CNBD1: variants seen among roughly 807,000 people sequenced by gnomAD.
CNBD1 encodes the protein cyclic nucleotide binding domain containing 1.
Under a neutral mutation model 54.4 loss-of-function variants are expected in CNBD1, and 71 were observed. That is an observed-to-expected ratio of 1.30 (90% CI 1.08 to 1.59). The LOEUF (loss-of-function observed/expected upper bound fraction) is 1.59. Among genes scored for constraint, CNBD1 ranks in the 40% most tolerant of loss-of-function variants. The pLI is 0.00. For missense variants in CNBD1, 659 were observed against 518.0 expected (o/e 1.27, Z -2.64); for synonymous variants, 182 against 170.7 (o/e 1.07, Z -0.51).
chr8:87,019,619 T>C (rs1013190844), intron 4 of CNBD1, among the ~76,000 whole-genome samples: 1 of 152,152 alleles, frequency 6.6e-6, no homozygotes, highest in Non-Finnish European at 1.5e-5. Context: ...GGCTCACACT[T>C]GTCATCCCAG....
chr8:87,170,479 G>A (rs1813062852), intron 4 of CNBD1, among the ~76,000 whole-genome samples: 1 of 152,008 alleles, frequency 6.6e-6, no homozygotes, highest in South Asian at 2.1e-4. Context: ...GTGAAAGTGG[G>A]GATTCTTGTT....
chr8:87,122,359 A>C (rs1811907289), intron 4 of CNBD1, among the ~76,000 whole-genome samples: 1 of 151,826 alleles, frequency 6.6e-6, no homozygotes, highest in Non-Finnish European at 1.5e-5. Flanking sequence ...CTTCTTTGAG[A>C]AATTTCTGCT....
At chr8:86,888,572 A>G (rs1490014452) in intron 2 of CNBD1, among the ~76,000 whole-genome samples, 1 of 152,120 alleles carries the variant, frequency 6.6e-6, no homozygotes, top group Non-Finnish European at 1.5e-5. Context: ...ACTCACTTTA[A>G]AGGGTTACTA....
chr8:87,272,727 A>G (rs926921013), intron 6 of CNBD1, among the ~76,000 whole-genome samples: 3 of 152,004 alleles, frequency 2.0e-5, no homozygotes, highest in African/African-American at 7.2e-5. Flanking sequence ...TATAACTTCA[A>G]TAGCTAGTGA....
intron 8 of CNBD1, among the ~76,000 whole-genome samples, chr8:87,335,392 A>G (rs1223521642): frequency 1.3e-5 from 2 of 152,124 alleles, no homozygotes; most frequent in Admixed American, 1.3e-4. Context: ...GTGCTCCTGT[A>G]TTGGGTGTAT....
intron 5 of CNBD1, among the ~76,000 whole-genome samples, chr8:87,224,578 C>T (rs984491435): frequency 1.1e-4 from 17 of 151,390 alleles, no homozygotes; most frequent in Non-Finnish European, 2.4e-4. Context: ...TTTCTGAGGG[C>T]TCTGTTCTGT....
intron 8 of CNBD1, among the ~76,000 whole-genome samples, chr8:87,322,661 T>C (rs1436585574): frequency 1.2e-5 from 1 of 82,162 alleles, no homozygotes; most frequent in Non-Finnish European, 2.6e-5. Flanking sequence ...GTTTGTTTTT[T>C]TCTTGTAAAT....
intron 2 of CNBD1, among the ~76,000 whole-genome samples, chr8:87,408,500 G>A (rs1426050011): frequency 6.6e-6 from 1 of 151,996 alleles, no homozygotes; most frequent in African/African-American, 2.4e-5. Flanking sequence ...CTATTTAATT[G>A]AGTCATCTTT....
rs1371698136 is a variant in CNBD1 at position 87,163,560 on chromosome 8, A to T, written c.432-42433A>T. 6.6e-6 allele frequency among the ~76,000 whole-genome samples: 1 copy of T among 151,630 alleles called. No individual in the cohort carries two copies. The highest frequency in any genetic ancestry group is 1.5e-5 in the Non-Finnish European group (1 of 67,876). ...TTCCTAAGTATTTAAAATATTAAAT[A>T]TTTTTTTGTTGCTGTTGTAATTGAC... On this transcript the variant is annotated intron_variant, in intron 4 of 10. Transcript: ENST00000518476. The surrounding 1 kb of genome is among the most constrained non-coding windows in gnomAD (Gnocchi z 4.5).
intron 6 of CNBD1, among the ~76,000 whole-genome samples, chr8:87,262,873 A>G (rs4961019): frequency 0.71 from 107,481 of 152,048 alleles, 38,544 homozygotes; most frequent in African/African-American, 0.78. Flanking sequence ...TTCATTTGGC[A>G]ATTAATACAA....
chr8:87,346,649 G>C (rs960540810), intron 8 of CNBD1, among the ~76,000 whole-genome samples: 3 of 151,944 alleles, frequency 2.0e-5, no homozygotes, highest in Non-Finnish European at 4.4e-5. Flanking sequence ...GTTTTTAAGA[G>C]TATAGTGACT....
At chr8:87,304,049 T>C (rs1443147978) in intron 8 of CNBD1, among the ~76,000 whole-genome samples, 1 of 152,168 alleles carries the variant, frequency 6.6e-6, no homozygotes, top group Non-Finnish European at 1.5e-5. Context: ...GACTGTAAAC[T>C]AGTTCAACCA....
chr8:87,333,216 T>G (rs1809871899), intron 8 of CNBD1, among the ~76,000 whole-genome samples: 1 of 152,194 alleles, frequency 6.6e-6, no homozygotes, highest in South Asian at 2.1e-4. Context: ...TTTTGCACAT[T>G]GATTTTGTAT....
chr8:86,959,414 A>C (rs544855725), intron 4 of CNBD1, among the ~76,000 whole-genome samples: 28 of 152,312 alleles, frequency 1.8e-4, no homozygotes, highest in African/African-American at 5.5e-4. Context: ...AGGTTGAGGA[A>C]GTTCTCCTCA....
intron 1 of CNBD1, among the ~76,000 whole-genome samples, chr8:86,868,460 A>C (rs1477142267): frequency 2.0e-5 from 3 of 152,058 alleles, no homozygotes; most frequent in Non-Finnish European, 2.9e-5. Flanking sequence ...ATCCTGCCTC[A>C]GCCTCTTGAG....
At chr8:86,969,748 T>A (rs1192930599) in intron 4 of CNBD1, among the ~76,000 whole-genome samples, 1 of 151,214 alleles carries the variant, frequency 6.6e-6, no homozygotes, top group African/African-American at 2.4e-5. Flanking sequence ...TCATCTAAAT[T>A]TTTTTCTCCT....
At chr8:87,385,182 C>A (rs1811157456), downstream of CNBD1, among the ~76,000 whole-genome samples, 7 of 152,124 alleles carry the variant, frequency 4.6e-5, no homozygotes, top group South Asian at 1.4e-3. Context: ...GTCTACACCT[C>A]CCAGCTTGAG....
chr8:87,359,770 G>A (rs754299593), intron 10 of CNBD1, among the ~76,000 whole-genome samples: 19 of 152,000 alleles, frequency 1.3e-4, no homozygotes, highest in East Asian at 3.9e-4. Flanking sequence ...AAAACTCAGC[G>A]TGAGCAAACT....
At chr8:87,160,254 T>G (rs946847336) in intron 4 of CNBD1, among the ~76,000 whole-genome samples, 4 of 151,984 alleles carry the variant, frequency 2.6e-5, no homozygotes, top group African/African-American at 4.8e-5. Flanking sequence ...AACTATATTT[T>G]TCTGAAATAT....
Sources: allele counts gnomAD v4.1 joint callset (sites outside exome capture counted in the v4.1 genomes callset), GRCh38; gene constraint gnomAD v4.1.1; non-coding constraint Gnocchi (gnomAD v3.1); transcripts MANE v1.5; gene names NCBI Gene and HGNC (gene_info 2026-07-23, HGNC 2026-07-21).